The following PLXNA4 variants were observed in gnomAD, a reference collection of about 807,000 sequenced individuals.
The protein encoded by PLXNA4 is plexin-A4.
Under a neutral mutation model 191.8 loss-of-function variants are expected in PLXNA4, and 44 were observed. That is an observed-to-expected ratio of 0.23 (90% CI 0.18 to 0.29). The LOEUF is 0.29. Among genes scored for constraint, PLXNA4 ranks in the 10% least tolerant of loss-of-function variants. PLXNA4 has a pLI of 1.00. For missense variants in PLXNA4, 1,800 were observed against 2,488.8 expected, an observed-to-expected ratio of 0.72 and a Z score of 5.89; for synonymous variants, 1,082 against 1,009.5, an observed-to-expected ratio of 1.07 and a Z score of -1.36.
intron 3 of PLXNA4, among the ~76,000 whole-genome samples, chr7:132,334,585 G>C (rs536116614): frequency 1.3e-5 from 2 of 152,160 alleles, no homozygotes; most frequent in South Asian, 4.2e-4. Flanking sequence ...ACTCTAGAGA[G>C]AGACACTGCA....
chr7:132,501,749 T>C (rs1798266105), intron 2 of PLXNA4, among the ~76,000 whole-genome samples: 1 of 152,184 alleles, frequency 6.6e-6, no homozygotes. Flanking sequence ...TCTATAAAGA[T>C]TGGGGCTGTG....
chr7:132,361,361 C>T (rs761582824), intron 3 of PLXNA4, among the ~76,000 whole-genome samples: 4 of 152,056 alleles, frequency 2.6e-5, no homozygotes, highest in Non-Finnish European at 5.9e-5. Flanking sequence ...TCGTGGGCTA[C>T]AGAAAATGAT....
chr7:132,281,551 A>T (rs1800478775), intron 4 of PLXNA4, among the ~76,000 whole-genome samples: 1 of 152,222 alleles, frequency 6.6e-6, no homozygotes, highest in African/African-American at 2.4e-5. Flanking sequence ...ACATTTACTC[A>T]TTATTGGCAA....
intron 29 of PLXNA4, among the ~76,000 whole-genome samples, chr7:132,144,663 T>A (rs1795366548): frequency 6.6e-6 from 1 of 152,198 alleles, no homozygotes. Context: ...ACATCCTCCA[T>A]CTTCCATAGC....
intron 3 of PLXNA4, among the ~76,000 whole-genome samples, chr7:132,474,969 C>T (rs1797070770): frequency 6.6e-6 from 1 of 152,170 alleles, no homozygotes; most frequent in Non-Finnish European, 1.5e-5. Flanking sequence ...AGGGTGCATA[C>T]ATTAATATGC....
chr7:132,602,650 A>G (rs2116842001), intron 2 of PLXNA4, among the ~76,000 whole-genome samples: 1 of 152,334 alleles, frequency 6.6e-6, no homozygotes, highest in South Asian at 2.1e-4. Flanking sequence ...TGCAGAAAAG[A>G]CATTTACCCA....
At chr7:132,418,521 A>G (rs1396021273) in intron 3 of PLXNA4, among the ~76,000 whole-genome samples, 3 of 152,194 alleles carry the variant, frequency 2.0e-5, no homozygotes, top group Non-Finnish European at 1.5e-5. Context: ...GTGTGGAGGG[A>G]TGCCTATTGT....
intron 11 of PLXNA4, 67 bp from the exon 12 acceptor site, chr7:132,202,903 G>A: frequency 7.1e-7 from 1 of 1,410,912 alleles, no homozygotes; most frequent in Non-Finnish European, 9.4e-7. Context: ...GGGGCCCAGA[G>A]AGAGACAAAG....
At position 132,148,131 on chromosome 7, in the gene PLXNA4, T is replaced by C. The variant is rs1303834227; in HGVS notation, c.4765-132A>G. On this transcript the variant is annotated intron_variant, in intron 26 of 31. Coordinates refer to ENST00000321063, the MANE Select transcript of PLXNA4 (RefSeq NM_020911.2). Reference sequence around the variant, plus strand: ...TGGAGAACTAGGGGACTTTGGAGGCTGTCAGCTTTCCTTGGAGCAGAACAA... The same window carrying C: ...TGGAGAACTAGGGGACTTTGGAGGCCGTCAGCTTTCCTTGGAGCAGAACAA... 3 of 1,354,794 alleles carry C rather than the reference T, an allele frequency of 2.2e-6. No individual in the cohort carries two copies. The African/African-American group carries it at 4.3e-5, about 20-fold the overall frequency. 83.9% of individuals were successfully genotyped at this position (1,354,794 alleles called of 1,614,324 possible).
chr7:132,398,871 G>GC (rs749575774), intron 3 of PLXNA4, among the ~76,000 whole-genome samples: 25 of 152,090 alleles, frequency 1.6e-4, no homozygotes, highest in Non-Finnish European at 3.4e-4. Flanking sequence ...GAAAGGGAGG[G>GC]CTGTTGTCAT....
Position 132,238,819 on chromosome 7 carries a change from G to A in PLXNA4, c.1604+2247C>T, listed in dbSNP as rs563717807. On this transcript the variant is annotated intron_variant, in intron 5 of 31. Coordinates refer to ENST00000321063, the MANE Select transcript of PLXNA4 (RefSeq NM_020911.2). ...GGGATCAACAGAGTCACAAGAGGGG[G>A]GGGGGCACCCATGAGCTCACAGTCC... Among the ~76,000 whole-genome samples the A allele has an allele frequency of 5.9e-5, 9 of 152,238 alleles. No individual in the cohort carries two copies. The South Asian group carries it at 1.7e-3, about 28-fold the overall frequency.
intron 3 of PLXNA4, chr7:132,385,282 C>T (rs374081897): frequency 5.6e-6 from 9 of 1,612,890 alleles, no homozygotes; most frequent in Non-Finnish European, 7.6e-6. Flanking sequence ...AGGGCAGAGG[C>T]TGGTACCAGG....
chr7:132,341,031 C>G (rs1803007237), intron 3 of PLXNA4, among the ~76,000 whole-genome samples: 1 of 152,156 alleles, frequency 6.6e-6, no homozygotes. Context: ...TATGCACAGA[C>G]AGAACCAGTC....
chr7:132,607,574 C>T (rs1365642272), intron 2 of PLXNA4, among the ~76,000 whole-genome samples: 1 of 152,124 alleles, frequency 6.6e-6, no homozygotes, highest in African/African-American at 2.4e-5. Context: ...TTAATGGGGC[C>T]CCTTATGAGG....
chr7:132,152,948 G>C (rs985018923), intron 25 of PLXNA4, among the ~76,000 whole-genome samples: 2 of 152,218 alleles, frequency 1.3e-5, no homozygotes, highest in African/African-American at 2.4e-5. Flanking sequence ...ATTCATCAAA[G>C]AACACTTGCC....
chr7:132,556,920 C>G (rs549638018), intron 1 of PLXNA4, among the ~76,000 whole-genome samples: 1 of 152,240 alleles, frequency 6.6e-6, no homozygotes, highest in South Asian at 2.1e-4. Flanking sequence ...ATCTTAGCAG[C>G]CTGAAACAGG....
At chr7:132,133,698 C>T (rs1795034185) in intron 30 of PLXNA4, among the ~76,000 whole-genome samples, 1 of 152,208 alleles carries the variant, frequency 6.6e-6, no homozygotes, top group South Asian at 2.1e-4. Context: ...AGAAGGCAAT[C>T]AGTCACTGTC....
intron 3 of PLXNA4, among the ~76,000 whole-genome samples, chr7:132,366,916 C>T: frequency 6.6e-6 from 1 of 152,102 alleles, no homozygotes; most frequent in East Asian, 1.9e-4. Flanking sequence ...CACTTGCCAC[C>T]ATCCCTAGCT....
intron 3 of PLXNA4, among the ~76,000 whole-genome samples, chr7:132,402,931 A>AACAAAAC (rs1203781731): frequency 6.6e-6 from 1 of 152,230 alleles, no homozygotes; most frequent in East Asian, 1.9e-4. Context: ...AGAGCTCATT[A>AACAAAAC]ACAAAACACA....
Sources: gnomAD v4.1 joint callset for allele counts (sites outside exome capture counted in the v4.1 genomes callset) on GRCh38, gnomAD v4.1.1 for gene constraint, MANE v1.5 for transcripts, NCBI Gene and HGNC (gene_info 2026-07-23, HGNC 2026-07-21) for gene names.